Variants in CNTNAP5 observed in about 807,000 individuals in gnomAD.
CNTNAP5 encodes contactin associated protein family member 5.
CNTNAP5 carries 72 observed loss-of-function variants against 150.2 expected under a neutral mutation model. The observed-to-expected ratio is 0.48, with a 90% CI of 0.40 to 0.58. CNTNAP5 has a LOEUF of 0.58. CNTNAP5 is among the 20% of genes least tolerant of loss of function. The pLI is 0.00. For missense variants in CNTNAP5, 1,636 were observed against 1,626.2 expected (o/e 1.01, Z -0.10); for synonymous variants, 672 against 619.8 (o/e 1.08, Z -1.25).
intron 1 of CNTNAP5, among the ~76,000 whole-genome samples, chr2:124,027,911 A>G (rs1305510041): frequency 1.3e-5 from 2 of 152,350 alleles, no homozygotes; most frequent in Admixed American, 1.3e-4. Context: ...CCTATGATGC[A>G]GAAGCTCTAA....
At chr2:124,833,261 T>C (rs937015160) in intron 19 of CNTNAP5, among the ~76,000 whole-genome samples, 11 of 152,092 alleles carry the variant, frequency 7.2e-5, no homozygotes, top group Middle Eastern at 3.2e-3. Context: ...ACTTACCCTT[T>C]TGTCAAGGAG....
In CNTNAP5 at chr2:124,917,947, C is replaced by T. The variant is rs1376239124; in HGVS notation, c.*3659C>T. ...ATATCTGTTATTTTTTAAATTACTGCTTCCACCTTCTGTAAGCTGTTTTGT... is the reference window on the plus strand; with the variant it reads ...ATATCTGTTATTTTTTAAATTACTGTTTCCACCTTCTGTAAGCTGTTTTGT... On this transcript the variant is annotated 3_prime_UTR_variant, in exon 24 of 24. Coordinates refer to ENST00000682447, the MANE Select transcript of CNTNAP5 (RefSeq NM_001367498.1). Among the ~76,000 whole-genome samples, 1 of 152,078 alleles carries T rather than the reference C, an allele frequency of 6.6e-6. No homozygotes were observed. The highest frequency in any genetic ancestry group is 1.5e-5 in the Non-Finnish European group (1 of 68,002).
At chr2:124,071,268 A>C (rs564765031) in intron 1 of CNTNAP5, among the ~76,000 whole-genome samples, 3 of 152,096 alleles carry the variant, frequency 2.0e-5, no homozygotes, top group Admixed American at 2.0e-4. Context: ...GAAGCTTCAA[A>C]TAAACAACCT....
At chr2:124,242,953 GAATTATTCTGTCATTGGA>G in intron 3 of CNTNAP5, among the ~76,000 whole-genome samples, 1 of 152,160 alleles carries the variant, frequency 6.6e-6, no homozygotes, top group African/African-American at 2.4e-5. Flanking sequence ...AGAAAATTTA[GAATTATTCTGTCATTGGA>G]AACAATCTTC....
At chr2:124,529,790 G>A (rs1260150277) in intron 10 of CNTNAP5, among the ~76,000 whole-genome samples, 5 of 152,142 alleles carry the variant, frequency 3.3e-5, no homozygotes, top group Non-Finnish European at 7.4e-5. Context: ...GACAATCTGA[G>A]AATCTCTTCT....
chr2:124,562,335 C>T (rs985214035), intron 10 of CNTNAP5, among the ~76,000 whole-genome samples: 1 of 151,914 alleles, frequency 6.6e-6, no homozygotes, highest in African/African-American at 2.4e-5. Context: ...TTGTTATAAT[C>T]ATGTTTGTTC....
chr2:124,777,775 ATGTGTGTGTGTGTGTGTGTG>A (rs35863925), intron 17 of CNTNAP5, among the ~76,000 whole-genome samples: 10 of 130,688 alleles, frequency 7.7e-5, no homozygotes, highest in South Asian at 2.7e-4. Context: ...GAATGGAGGG[ATGTGTGTGTGTGTGTGTGTG>A]TGTGTGTGTG....
At chr2:124,557,014 CAA>C (rs760593368) in intron 10 of CNTNAP5, among the ~76,000 whole-genome samples, 11 of 128,480 alleles carry the variant, frequency 8.6e-5, no homozygotes, top group Admixed American at 7.9e-5. Flanking sequence ...CCCCCCCGCT[CAA>C]AAAAAAAAAA....
intron 6 of CNTNAP5, among the ~76,000 whole-genome samples, chr2:124,454,953 CA>C (rs1484465729): frequency 1.3e-5 from 2 of 151,910 alleles, no homozygotes; most frequent in African/African-American, 2.4e-5. Context: ...TCAAAGAGCA[CA>C]AGCAGACAAT....
intron 22 of CNTNAP5, among the ~76,000 whole-genome samples, chr2:124,907,916 GT>G (rs1261101647): frequency 2.0e-5 from 3 of 151,080 alleles, no homozygotes; most frequent in Non-Finnish European, 2.9e-5. Context: ...AACAAGCTGG[GT>G]TAATATATAT....
At chr2:124,097,543 A>C (rs1194738276) in intron 1 of CNTNAP5, among the ~76,000 whole-genome samples, 1 of 152,156 alleles carries the variant, frequency 6.6e-6, no homozygotes, top group South Asian at 2.1e-4. Context: ...CTGTAAGGAC[A>C]TGCTGGCGCC....
chr2:124,158,106 G>A lies in CNTNAP5; in HGVS notation c.83-63599G>A, dbSNP rs1196418259. On this transcript the variant is annotated intron_variant, in intron 1 of 23. Coordinates refer to ENST00000682447, the MANE Select transcript of CNTNAP5 (RefSeq NM_001367498.1). ...GTGGGTCACTGAATTAAACAATCCT[G>A]GAGCCACTGAACCTTTCCTTGTTTC... is the stretch of plus-strand genomic sequence containing the variant. Among the ~76,000 whole-genome samples the A allele has an allele frequency of 2.0e-5, 3 of 152,128 alleles. No homozygotes were observed. The East Asian group carries it at 5.8e-4, about 29-fold the overall frequency.
At chr2:124,035,045 A>G (rs1412316985) in intron 1 of CNTNAP5, among the ~76,000 whole-genome samples, 4 of 114,254 alleles carry the variant, frequency 3.5e-5, no homozygotes, top group Non-Finnish European at 4.9e-5. Flanking sequence ...TTCTTCAGAT[A>G]TTTATGAAAT....
chr2:124,886,098 C>T (rs1186940129), intron 21 of CNTNAP5, among the ~76,000 whole-genome samples: 1 of 151,990 alleles, frequency 6.6e-6, no homozygotes, highest in African/African-American at 2.4e-5. Context: ...TACCATTCTC[C>T]TTGTCAAAAC....
chr2:124,126,840 C>T (rs1310230840), intron 1 of CNTNAP5, among the ~76,000 whole-genome samples: 4 of 152,090 alleles, frequency 2.6e-5, no homozygotes, highest in African/African-American at 4.8e-5. Context: ...GCAGAAAAGG[C>T]CTTTGACAAA....
chr2:124,557,526 A>G (rs1029736111), intron 10 of CNTNAP5, among the ~76,000 whole-genome samples: 1 of 152,202 alleles, frequency 6.6e-6, no homozygotes, highest in African/African-American at 2.4e-5. Context: ...AACAATTTAT[A>G]GAGTGCCTAC....
At chr2:124,546,321 G>C (rs1236895431) in intron 10 of CNTNAP5, among the ~76,000 whole-genome samples, 2 of 152,018 alleles carry the variant, frequency 1.3e-5, no homozygotes, top group African/African-American at 4.8e-5. Flanking sequence ...CTTGAGAAAT[G>C]CTGGAGTAAG....
intron 3 of CNTNAP5, among the ~76,000 whole-genome samples, chr2:124,279,955 C>T (rs983492211): frequency 2.0e-5 from 3 of 151,976 alleles, no homozygotes; most frequent in East Asian, 1.9e-4. Context: ...CCATGCCTTT[C>T]GTCCTCCTAA....
chr2:124,195,660 C>T lies in CNTNAP5; in HGVS notation c.83-26045C>T, dbSNP rs564449469. Among the ~76,000 whole-genome samples, 12 of 152,160 alleles carry T rather than the reference C, an allele frequency of 7.9e-5. No homozygotes were observed. The South Asian group carries it at 2.5e-3, about 32-fold the overall frequency. ...AATTCAAAAAGCTAGCAAGATTAAACATAAAATACACATAATCATATAAGA... is the reference window on the plus strand; with the variant it reads ...AATTCAAAAAGCTAGCAAGATTAAATATAAAATACACATAATCATATAAGA... On this transcript the variant is annotated intron_variant, in intron 1 of 23. Coordinates refer to ENST00000682447, the MANE Select transcript of CNTNAP5 (RefSeq NM_001367498.1).
Sources: allele counts gnomAD v4.1 joint callset (sites outside exome capture counted in the v4.1 genomes callset), GRCh38; gene constraint gnomAD v4.1.1; transcripts MANE v1.5; gene names NCBI Gene and HGNC (gene_info 2026-07-23, HGNC 2026-07-21).